Variants in WWOX observed in about 807,000 individuals in gnomAD.
WWOX encodes WW domain-containing oxidoreductase.
Under a neutral mutation model 46.2 loss-of-function variants are expected in WWOX, and 69 were observed. The observed-to-expected ratio is 1.49, with a 90% CI of 1.23 to 1.82. The LOEUF is 1.82. WWOX is among the 40% of genes most tolerant of loss of function. WWOX has a pLI of 0.00. For missense variants in WWOX, 919 were observed against 542.6 expected (o/e 1.69, Z -6.89); for synonymous variants, 359 against 202.6 (o/e 1.77, Z -6.56).
chr16:78,367,556 G>A lies in WWOX; in HGVS notation c.517-19304G>A, dbSNP rs554258988. Among the ~76,000 whole-genome samples the A allele has an allele frequency of 8.5e-5, 13 of 152,250 alleles. No individual in the cohort carries two copies. In the East Asian group the frequency reaches 2.3e-3, roughly 27 times the overall value. ...AATAAAACAGAAAAAAGGTGTAAAA[G>A]GCTTCGAGTTCATGGACAGAACAAC... On this transcript the variant is annotated intron_variant, in intron 5 of 8. Coordinates refer to ENST00000566780, the MANE Select transcript of WWOX (RefSeq NM_016373.4).
chr16:78,721,708 C>G (rs1447473658), intron 8 of WWOX, among the ~76,000 whole-genome samples: 3 of 152,184 alleles, frequency 2.0e-5, no homozygotes, highest in African/African-American at 7.2e-5. Context: ...TATTGGCTGG[C>G]CAGTAGCATC....
chr16:78,480,735 G>A (rs2084465015), intron 8 of WWOX, among the ~76,000 whole-genome samples: 1 of 152,238 alleles, frequency 6.6e-6, no homozygotes, highest in Admixed American at 6.5e-5. Context: ...CCAAAGTCAG[G>A]CTGGCCATTT....
chr16:78,228,943 GGAAGCTCCAT>G (rs1335100611), intron 5 of WWOX, among the ~76,000 whole-genome samples: 1 of 152,118 alleles, frequency 6.6e-6, no homozygotes, highest in Non-Finnish European at 1.5e-5. Context: ...AAATCTAACA[GGAAGCTCCAT>G]GTCCACTTGA....
chr16:78,743,229 C>G (rs140645997), intron 8 of WWOX, among the ~76,000 whole-genome samples: 1 of 152,172 alleles, frequency 6.6e-6, no homozygotes, highest in Non-Finnish European at 1.5e-5. Context: ...CAAAAGCCAT[C>G]TTATCTCTCT....
At chr16:78,633,809 G>C (rs546443696) in intron 8 of WWOX, among the ~76,000 whole-genome samples, 10 of 152,128 alleles carry the variant, frequency 6.6e-5, no homozygotes, top group Non-Finnish European at 1.3e-4. Context: ...CTGTGTTCCC[G>C]AGTGCATCAA....
At chr16:78,567,035 C>A (rs1488811345) in intron 8 of WWOX, among the ~76,000 whole-genome samples, 1 of 142,452 alleles carries the variant, frequency 7.0e-6, no homozygotes, top group Non-Finnish European at 1.5e-5. Flanking sequence ...TGAAGTCATA[C>A]ATTCATTATT....
intron 4 of WWOX, among the ~76,000 whole-genome samples, chr16:78,150,022 G>T (rs2034344072): frequency 6.6e-6 from 1 of 152,138 alleles, no homozygotes; most frequent in Non-Finnish European, 1.5e-5. Context: ...AGTCAGCACA[G>T]ACCCCATGGT....
chr16:78,838,263 G>A lies in WWOX; in HGVS notation c.1057-373345G>A, dbSNP rs114023704. Among the ~76,000 whole-genome samples the A allele has an allele frequency of 8.7e-3, 1,317 of 152,158 alleles. 6 individuals are homozygous for A. Among genetic ancestry groups the A allele is most frequent in the African/African-American group, 0.019 (796 of 41,532 alleles). On this transcript the variant is annotated intron_variant, in intron 8 of 8. Coordinates refer to ENST00000566780, the MANE Select transcript of WWOX (RefSeq NM_016373.4). Reference sequence around the variant, plus strand: ...GTCATTCCCAGGAAGCAAAGCGAGCGTCAAAAAAAGACAGGGTAGTTGGGC... The same window carrying A: ...GTCATTCCCAGGAAGCAAAGCGAGCATCAAAAAAAGACAGGGTAGTTGGGC...
chr16:79,011,904 T>G, intron 8 of WWOX, among the ~76,000 whole-genome samples: 1 of 152,224 alleles, frequency 6.6e-6, no homozygotes, highest in East Asian at 1.9e-4. Context: ...TCCTCCCGCC[T>G]CAGCCTCCTG....
At chr16:78,203,121 G>T (rs544430496) in intron 5 of WWOX, among the ~76,000 whole-genome samples, 1 of 152,132 alleles carries the variant, frequency 6.6e-6, no homozygotes. Flanking sequence ...TCAAGTAAAG[G>T]CCATAAGGCT....
At chr16:78,387,610 G>C (rs915493133) in intron 6 of WWOX, among the ~76,000 whole-genome samples, 7 of 152,096 alleles carry the variant, frequency 4.6e-5, no homozygotes, top group Admixed American at 1.3e-4. Context: ...CAGAGAGACA[G>C]ACAGGAGGCC....
chr16:78,345,867 G>C (rs1311506648), intron 5 of WWOX, among the ~76,000 whole-genome samples: 1 of 118,658 alleles, frequency 8.4e-6, no homozygotes, highest in East Asian at 1.9e-4. Context: ...CAACTTTGTT[G>C]CGGTCTAATT....
intron 8 of WWOX, among the ~76,000 whole-genome samples, chr16:78,742,179 G>C (rs186269295): frequency 2.0e-4 from 30 of 152,228 alleles, no homozygotes; most frequent in African/African-American, 6.3e-4. Context: ...ATTGTACATC[G>C]TTTGTCGATA....
intron 6 of WWOX, among the ~76,000 whole-genome samples, chr16:78,405,619 A>G (rs566134810): frequency 1.3e-5 from 2 of 152,358 alleles, no homozygotes; most frequent in South Asian, 2.1e-4. Flanking sequence ...AAAACAATGT[A>G]TATGTGTTTT....
At chr16:78,437,870 C>G (rs983946411) in intron 8 of WWOX, among the ~76,000 whole-genome samples, 13 of 152,170 alleles carry the variant, frequency 8.5e-5, no homozygotes, top group Admixed American at 3.3e-4. Flanking sequence ...AGTTAAATTA[C>G]TCTAAAATGT....
intron 7 of WWOX, among the ~76,000 whole-genome samples, chr16:78,429,919 C>A (rs958328306): frequency 1.3e-5 from 2 of 152,128 alleles, no homozygotes; most frequent in Non-Finnish European, 2.9e-5. Flanking sequence ...AATGGACTCT[C>A]ATAAAAAAGC....
intron 8 of WWOX, among the ~76,000 whole-genome samples, chr16:79,210,573 C>T (rs1420252862): frequency 1.3e-5 from 2 of 152,176 alleles, no homozygotes; most frequent in African/African-American, 4.8e-5. Context: ...ACCCCTCTCC[C>T]TCTCATCAGC....
intron 8 of WWOX, among the ~76,000 whole-genome samples, chr16:78,832,536 C>G (rs1490383653): frequency 1.3e-5 from 2 of 152,182 alleles, no homozygotes; most frequent in East Asian, 1.9e-4. Flanking sequence ...CTCTGCCACT[C>G]CACACACCCT....
intron 5 of WWOX, among the ~76,000 whole-genome samples, chr16:78,352,470 G>C (rs569370694): frequency 6.6e-6 from 1 of 152,126 alleles, no homozygotes; most frequent in Non-Finnish European, 1.5e-5. Flanking sequence ...AAATCCTTTG[G>C]CTCATGGCCC....
Sources: allele counts gnomAD v4.1 joint callset (sites outside exome capture counted in the v4.1 genomes callset), GRCh38; gene constraint gnomAD v4.1.1; transcripts MANE v1.5; gene names NCBI Gene and HGNC (gene_info 2026-07-23, HGNC 2026-07-21).